Variants in AP4B1 observed in about 807,000 individuals in gnomAD.
The protein encoded by AP4B1 is AP-4 complex subunit beta-1.
Under a neutral mutation model 76.5 loss-of-function variants are expected in AP4B1, and 49 were observed. The ratio of observed to expected loss-of-function variants is 0.64; its 90% CI spans 0.51 to 0.81. The LOEUF is 0.81. Among genes scored for constraint, AP4B1 ranks in the 40% least tolerant of loss-of-function variants. The probability of loss-of-function intolerance (pLI) is 0.00; values close to 1 mark genes in which losing one functional copy is unlikely to be tolerated. For missense variants in AP4B1, 911 were observed against 904.9 expected (o/e 1.01, Z -0.09); for synonymous variants, 330 against 333.3 (o/e 0.99, Z 0.11).
intron 7 of AP4B1, 157 bp downstream of exon 7, chr1:113,897,683 T>C (rs1667664906): frequency 5.5e-6 from 4 of 721,216 alleles, no homozygotes; most frequent in South Asian, 5.1e-5. Flanking sequence ...TTATAATTTA[T>C]ATGCCATCTA....
intron 1 of AP4B1, 139 bp downstream of exon 1, chr1:113,904,466 C>G (rs1317318454): frequency 6.0e-6 from 5 of 829,900 alleles, no homozygotes; most frequent in Non-Finnish European, 1.1e-5. Flanking sequence ...CATGGTACTC[C>G]AAAGCAGCAG....
At chr1:113,901,454 T>C in intron 3 of AP4B1, 71 bp from the exon 4 acceptor site, 8 of 1,520,356 alleles carry the variant, frequency 5.3e-6, no homozygotes, top group Admixed American at 1.8e-5. Context: ...GCCAGAGTAA[T>C]AGCTCCAGGT....
intron 8 of AP4B1, 50 bp downstream of exon 8, chr1:113,896,207 GA>G: frequency 6.2e-7 from 1 of 1,609,690 alleles, no homozygotes; most frequent in Non-Finnish European, 8.5e-7. Flanking sequence ...AAGCTATTAA[GA>G]ATTTTTACTA....
Position 113,900,365 on chromosome 1 carries a change from A to T in AP4B1, c.653T>A (p.Val218Glu), listed in dbSNP as rs765341127. Residue 218 changes from valine to glutamate, a missense_variant, in exon 5 of 10, where the codon GTA becomes GAA. Val to Glu is a moderately radical substitution (Grantham distance 121). Transcript: ENST00000369569. ...TTGGTAGCGTAGCAGAAAGTTCAAT[A>T]CTTCAGCCTGGCCCCATTGGTCCAG... ...SKLDQWGQAE[V>E]LNFLLRYQPR... 1.2e-6 allele frequency: 2 copies of T among 1,612,290 alleles called. No homozygotes were observed. The highest frequency in any genetic ancestry group is 4.5e-5 in the East Asian group (2 of 44,864).
intron 1 of AP4B1, 103 bp from the exon 2 acceptor site, chr1:113,902,965 T>C (rs1571582759): frequency 9.8e-7 from 1 of 1,023,332 alleles, no homozygotes; most frequent in East Asian, 2.5e-5. Context: ...TAGATTGTGA[T>C]CTCTTAGAGG....
At chr1:113,899,724 A>AT in intron 5 of AP4B1, 180 bp downstream of exon 5, 1 of 994,580 alleles carries the variant, frequency 1.0e-6, no homozygotes, top group Non-Finnish European at 1.5e-6. Context: ...ACCAAAAAAA[A>AT]ACAAAAAACA....
intron 2 of AP4B1, 176 bp from the exon 3 acceptor site, chr1:113,902,061 G>T: frequency 2.4e-6 from 2 of 822,436 alleles, no homozygotes; most frequent in Non-Finnish European, 3.9e-6. Context: ...TTTTTTTCTT[G>T]TTTTTTTCAA....
chr1:113,901,880 G>C lies in AP4B1; in HGVS notation c.344C>G (p.Pro115Arg). ...ALRSMCSLRM[P>R]GVQEYIQQPI... ...CTGTTGTATATACTCCTGCACACCAGGCATCCTAAGCAACACATCCTGGAG... is the reference window on the plus strand; with the variant it reads ...CTGTTGTATATACTCCTGCACACCACGCATCCTAAGCAACACATCCTGGAG... The change falls in exon 3 of 10, where the codon CCT becomes CGT. Residue 115 changes from proline to arginine, a missense_variant. Pro to Arg is a moderately radical substitution (Grantham distance 103). Coordinates refer to ENST00000369569, the MANE Select transcript of AP4B1 (RefSeq NM_001253852.3). 1 of 1,613,946 alleles carries C rather than the reference G, an allele frequency of 6.2e-7. No homozygotes were observed. Among genetic ancestry groups the C allele is most frequent in the South Asian group, 1.1e-5 (1 of 91,060 alleles).
Position 113,895,602 on chromosome 1 carries a change from G to C in AP4B1, c.1793-110C>G. The C allele has an allele frequency of 7.1e-6, 11 of 1,540,334 alleles. No individual in the cohort carries two copies. The South Asian group carries it at 1.3e-4, about 18-fold the overall frequency. On this transcript the variant is annotated intron_variant, in intron 9 of 9. Transcript: ENST00000369569. Reference sequence around the variant, plus strand: ...TGTGACTTTTATTTTTGGACAAATGGCTGAAATAACCAGTGACGAACCTCT... The same window carrying C: ...TGTGACTTTTATTTTTGGACAAATGCCTGAAATAACCAGTGACGAACCTCT...
intron 6 of AP4B1, among the ~76,000 whole-genome samples, chr1:113,898,401 T>C (rs531519600): frequency 7.8e-4 from 119 of 152,270 alleles, no homozygotes; most frequent in African/African-American, 2.7e-3. Flanking sequence ...TGACTTACCC[T>C]TGTCCCAACC....
chr1:113,901,335 G>T lies in AP4B1; in HGVS notation c.518C>A (p.Pro173Gln). ...CCTCAAGCAGTTCACAACTACAATT[G>T]GATCCTGGTCACGCAGCAAACTGTA... The part of the protein sequence containing the change: ...ELYSLLRDQD[P>Q]IVVVNCLRSL... The change falls in exon 4 of 10, where the codon CCA becomes CAA. Residue 173 changes from proline (P) to glutamine (Q), a missense_variant. Physicochemically the swap from Pro to Gln is moderately conservative, Grantham distance 76. Transcript: ENST00000369569. 1 of 1,613,980 alleles carries T rather than the reference G, an allele frequency of 6.2e-7. No homozygotes were observed. The highest frequency in any genetic ancestry group is 1.7e-5 in the Admixed American group (1 of 60,010).
Position 113,898,024 on chromosome 1 carries a change from G to C in AP4B1, c.1199-81C>G. ...AATCTTAAGAACAGTCATGTATTCA[G>C]ACTCATGATTCTGGCTGGATTTCTG... is the stretch of plus-strand genomic sequence containing the variant. On this transcript the variant is annotated intron_variant, in intron 6 of 9. Transcript: ENST00000369569. The C allele has an allele frequency of 1.9e-6, 3 of 1,603,052 alleles. 1 individual carries two copies. The Admixed American group carries it at 5.2e-5, about 28-fold the overall frequency.
Position 113,899,943 on chromosome 1 carries a change from C to T in AP4B1, c.1075G>A (p.Val359Met). Residue 359 changes from valine to methionine, a missense_variant, in exon 5 of 10, where the codon GTG becomes ATG. Physicochemically the swap from Val to Met is conservative, Grantham distance 21. Transcript: ENST00000369569. ...LEELRGYCTD[V>M]SADFAQAAIF... ...GCAGCCTGTGCAAAGTCCGCAGACA[C>T]ATCCGTGCAGTACCCTCGAAGCTCC... is the stretch of plus-strand genomic sequence containing the variant. 2 of 1,614,206 alleles carry T rather than the reference C, an allele frequency of 1.2e-6. No homozygotes were observed. The highest frequency in any genetic ancestry group is 1.6e-4 in the Middle Eastern group (1 of 6,062).
chr1:113,901,382 A>G lies in AP4B1; in HGVS notation c.471T>C (p.Asp157=), dbSNP rs780513202. 2 of 1,613,944 alleles carry G rather than the reference A, an allele frequency of 1.2e-6. No homozygotes were observed. Among genetic ancestry groups the G allele is most frequent in the East Asian group, 4.5e-5 (2 of 44,886 alleles). Residue 157 remains aspartate, a splice_region_variant and synonymous_variant, in exon 4 of 10, where the codon GAT becomes GAC. Transcript: ENST00000369569. ...MHNLHGDSEV[D]GALVNELYSL... is the part of the protein sequence containing the mutation. Reference sequence around the variant, plus strand: ...TGTATAATTCATTTACCAGGGCACCATCTATAAAAAAGAACAAAGTTCTTA... The same window carrying G: ...TGTATAATTCATTTACCAGGGCACCGTCTATAAAAAAGAACAAAGTTCTTA...
chr1:113,905,017 C>A, upstream of AP4B1: 1 of 427,630 alleles, frequency 2.3e-6, no homozygotes, highest in Non-Finnish European at 4.4e-6. Flanking sequence ...ATTTCCAGCG[C>A]CGCGTCCGAC....
Position 113,902,816 on chromosome 1 carries a change from C to G in AP4B1, c.160G>C (p.Val54Leu). The change falls in exon 2 of 10, where the codon GTG becomes CTG. Residue 54 changes from valine (V) to leucine (L), a missense_variant. Val to Leu is a conservative substitution (Grantham distance 32). Transcript: ENST00000369569. ...LDMSGVFMEM[V>L]KASATVDIVQ... ...ATATCTACAGTGGCACTGGCCTTCA[C>G]CATTTCCATAAAAACACCAGACATG... is the stretch of plus-strand genomic sequence containing the variant. The G allele has an allele frequency of 1.2e-6, 2 of 1,614,198 alleles. No homozygotes were observed. Among genetic ancestry groups the G allele is most frequent in the Non-Finnish European group, 1.7e-6 (2 of 1,180,034 alleles).
chr1:113,897,739 A>G, intron 7 of AP4B1, 101 bp downstream of exon 7: 2 of 1,278,286 alleles, frequency 1.6e-6, no homozygotes, highest in Non-Finnish European at 2.2e-6. Context: ...AAGAGTGCCC[A>G]CTTCAAACAC....
intron 5 of AP4B1, chr1:113,899,396 C>A: frequency 1.0e-6 from 1 of 972,014 alleles, no homozygotes. Context: ...ACATTCAGCA[C>A]AATACATAGC....
At chr1:113,895,545 A>C (rs897149818) in intron 9 of AP4B1, 53 bp from the exon 10 acceptor site, 21 of 1,606,668 alleles carry the variant, frequency 1.3e-5, no homozygotes, top group Non-Finnish European at 1.1e-5. Context: ...GTAGGAGCTA[A>C]GTTTTTTATC....
Sources: allele counts gnomAD v4.1 joint callset (sites outside exome capture counted in the v4.1 genomes callset), GRCh38; gene constraint gnomAD v4.1.1; transcripts MANE v1.5; gene names NCBI Gene and HGNC (gene_info 2026-07-23, HGNC 2026-07-21).